Variants in DPP6 observed in about 807,000 individuals in gnomAD.
DPP6 encodes dipeptidyl peptidase like 6.
Under a neutral mutation model 122.6 loss-of-function variants are expected in DPP6, and 69 were observed. That is an observed-to-expected ratio of 0.56 (90% CI 0.46 to 0.69). The LOEUF (loss-of-function observed/expected upper bound fraction) is 0.69. DPP6 is among the 30% of genes least tolerant of loss of function. The pLI, the probability that DPP6 is intolerant of heterozygous loss-of-function variation, is 0.00. For missense variants in DPP6, 928 were observed against 1,116.9 expected (o/e 0.83, Z 2.41); for synonymous variants, 418 against 433.1 (o/e 0.97, Z 0.43).
chr7:153,977,700 C>G (rs1475889365), intron 1 of DPP6, among the ~76,000 whole-genome samples: 1 of 152,112 alleles, frequency 6.6e-6, no homozygotes, highest in African/African-American at 2.4e-5. Context: ...AATGCTATCC[C>G]TCCCCTTGTC....
intron 5 of DPP6, among the ~76,000 whole-genome samples, chr7:154,569,265 A>T (rs892320917): frequency 1.9e-4 from 29 of 152,084 alleles, no homozygotes; most frequent in African/African-American, 6.8e-4. Flanking sequence ...ATAGACCAGG[A>T]CTTCCTAATC....
chr7:153,928,002 G>A (rs1037145106), intron 1 of DPP6, among the ~76,000 whole-genome samples: 2 of 152,102 alleles, frequency 1.3e-5, no homozygotes, highest in Admixed American at 6.6e-5. Flanking sequence ...GGGACCCTCC[G>A]CCTCTCTTTC....
intron 1 of DPP6, among the ~76,000 whole-genome samples, chr7:154,341,116 A>C (rs893465468): frequency 6.6e-6 from 1 of 152,218 alleles, no homozygotes; most frequent in Admixed American, 6.5e-5. Context: ...ATATCATGCA[A>C]TCCAAATGCT....
rs79187820 is a variant in DPP6, at chr7:154,763,507, T to C, written c.884-5910T>C. On this transcript the variant is annotated intron_variant, in intron 8 of 25. Coordinates refer to ENST00000377770, the MANE Select transcript of DPP6 (RefSeq NM_130797.4). ...TTCCTACCCCTGAGCTAGGCACAGT[T>C]CGCTTGTCCATATGATGAGATATAG... Among the ~76,000 whole-genome samples the C allele has an allele frequency of 6.8e-3, 1,039 of 152,216 alleles. 8 individuals carry two copies. The highest frequency in any genetic ancestry group is 0.023 in the African/African-American group (971 of 41,544).
chr7:154,200,576 T>C lies in DPP6; in HGVS notation c.243+147513T>C, dbSNP rs557737427. On this transcript the variant is annotated intron_variant, in intron 1 of 25. Transcript: ENST00000377770. ...TACTAAAAACTACTCAGGCCATTCT[T>C]AGGCATTTTTGTCTTAGAAAATGTC... 2.6e-5 allele frequency among the ~76,000 whole-genome samples: 4 copies of C among 152,328 alleles called. No individual in the cohort carries two copies. In the East Asian group the frequency reaches 7.7e-4, roughly 29 times the overall value.
chr7:154,878,488 C>G (rs1563315010), intron 20 of DPP6, among the ~76,000 whole-genome samples: 1 of 152,238 alleles, frequency 6.6e-6, no homozygotes, highest in Non-Finnish European at 1.5e-5. Context: ...CATAGAAAGC[C>G]TCCCTCAGCT....
chr7:153,935,237 A>G (rs1801376447), intron 1 of DPP6, among the ~76,000 whole-genome samples: 2 of 151,262 alleles, frequency 1.3e-5, no homozygotes, highest in South Asian at 4.3e-4. Context: ...TGTCCCGTGC[A>G]TGCCAGAGAA....
chr7:154,472,462 A>C (rs376649895), intron 2 of DPP6, among the ~76,000 whole-genome samples: 2 of 139,742 alleles, frequency 1.4e-5, no homozygotes, highest in South Asian at 2.3e-4. Context: ...CCTGGAATCA[A>C]TCCCTCCCAC....
At chr7:154,304,565 G>GTT (rs112016529) in intron 1 of DPP6, among the ~76,000 whole-genome samples, 1 of 149,438 alleles carries the variant, frequency 6.7e-6, no homozygotes, top group African/African-American at 2.5e-5. Flanking sequence ...AGGCTGGAAT[G>GTT]TTTTTTTTTT....
intron 16 of DPP6, among the ~76,000 whole-genome samples, chr7:154,811,113 G>C (rs1006775186): frequency 9.2e-5 from 14 of 152,190 alleles, no homozygotes; most frequent in African/African-American, 3.4e-4. Flanking sequence ...TCTTTAAAGT[G>C]TTTACATAAT....
At chr7:154,011,007 T>G (rs1361643280) in intron 1 of DPP6, among the ~76,000 whole-genome samples, 1 of 152,218 alleles carries the variant, frequency 6.6e-6, no homozygotes, top group Non-Finnish European at 1.5e-5. Context: ...TGGCAGCACC[T>G]AGCGTAGGTC....
In DPP6 at chr7:154,475,060, C is replaced by T. The variant is rs1488463515; in HGVS notation, c.457+23C>T. The T allele has an allele frequency of 3.2e-6, 5 of 1,562,348 alleles. No homozygotes were observed. The African/African-American group carries it at 4.1e-5, about 13-fold the overall frequency. ...GTGGTGAGTCCAGGTCCTTCGTGCA[C>T]AAGACATCGCTTCCCCATGCCTCAC... On this transcript the variant is annotated intron_variant, in intron 3 of 25. Coordinates refer to ENST00000377770, the MANE Select transcript of DPP6 (RefSeq NM_130797.4).
the DPP6 span, among the ~76,000 whole-genome samples, chr7:153,857,114 T>G: frequency 1.3e-3 from 200 of 152,302 alleles, 3 homozygotes; most frequent in African/African-American, 4.3e-3. Context: ...CTTTTTTCTA[T>G]GACAAAGAAA....
At chr7:154,641,379 T>C (rs1364731432) in intron 6 of DPP6, among the ~76,000 whole-genome samples, 1 of 152,222 alleles carries the variant, frequency 6.6e-6, no homozygotes, top group Non-Finnish European at 1.5e-5. Flanking sequence ...TAGTTATTTT[T>C]AACATAAAGC....
the DPP6 span, among the ~76,000 whole-genome samples, chr7:153,838,406 T>C: frequency 6.6e-6 from 1 of 152,196 alleles, no homozygotes; most frequent in Non-Finnish European, 1.5e-5. Context: ...TTCTTCACCC[T>C]GATGTTGAAA....
chr7:154,111,186 G>C (rs1372245824), intron 1 of DPP6, among the ~76,000 whole-genome samples: 2 of 152,136 alleles, frequency 1.3e-5, no homozygotes. Flanking sequence ...ATTATTGTCA[G>C]CTCCATCATT....
At chr7:154,286,901 G>A (rs1471400707) in intron 1 of DPP6, among the ~76,000 whole-genome samples, 1 of 151,620 alleles carries the variant, frequency 6.6e-6, no homozygotes, top group Non-Finnish European at 1.5e-5. Context: ...CACCTCCTGG[G>A]TTCAAGGAAT....
chr7:154,761,139 AC>A (rs1230007813), intron 8 of DPP6, among the ~76,000 whole-genome samples: 2 of 152,094 alleles, frequency 1.3e-5, no homozygotes, highest in Admixed American at 6.5e-5. Flanking sequence ...CCAGCTCAAA[AC>A]TTTTTTGAAA....
intron 1 of DPP6, among the ~76,000 whole-genome samples, chr7:153,951,721 C>A (rs1024486543): frequency 6.6e-6 from 1 of 152,146 alleles, no homozygotes; most frequent in Non-Finnish European, 1.5e-5. Context: ...TGCTTTCTTC[C>A]CCCACTCCTT....
Sources: gnomAD v4.1 joint callset for allele counts (sites outside exome capture counted in the v4.1 genomes callset) on GRCh38, gnomAD v4.1.1 for gene constraint, MANE v1.5 for transcripts, NCBI Gene and HGNC (gene_info 2026-07-23, HGNC 2026-07-21) for gene names.